DCDC1: variants seen among roughly 807,000 people sequenced by gnomAD.
The protein encoded by DCDC1 is doublecortin domain-containing protein 1.
DCDC1 carries 200 observed loss-of-function variants against 178.3 expected under a neutral mutation model. That is an observed-to-expected ratio of 1.12 (90% CI 1.00 to 1.26). The LOEUF (loss-of-function observed/expected upper bound fraction) is 1.26. DCDC1 is among the 50% of genes most tolerant of loss of function. The pLI is 0.00. For missense variants in DCDC1, 1,983 were observed against 1,749.2 expected (o/e 1.13, Z -2.38); for synonymous variants, 690 against 604.8 (o/e 1.14, Z -2.07).
At chr11:31,210,083 C>T (rs1024129538) in intron 9 of DCDC1, among the ~76,000 whole-genome samples, 1 of 152,162 alleles carries the variant, frequency 6.6e-6, no homozygotes, top group African/African-American at 2.4e-5. Context: ...AGTTTCTCCC[C>T]ACATCCATGC....
chr11:31,211,886 T>A (rs1228409774), intron 9 of DCDC1, among the ~76,000 whole-genome samples: 1 of 151,868 alleles, frequency 6.6e-6, no homozygotes, highest in Non-Finnish European at 1.5e-5. Flanking sequence ...ATCGAGACCA[T>A]CCTGGCTAAC....
intron 17 of DCDC1, among the ~76,000 whole-genome samples, chr11:31,080,693 A>C (rs1957117597): frequency 6.6e-6 from 1 of 152,168 alleles, no homozygotes; most frequent in South Asian, 2.1e-4. Context: ...AAATAATAAA[A>C]AAGAGTGATT....
At chr11:31,242,637 T>C (rs1461877500) in intron 8 of DCDC1, among the ~76,000 whole-genome samples, 1 of 151,876 alleles carries the variant, frequency 6.6e-6, no homozygotes, top group Non-Finnish European at 1.5e-5. Flanking sequence ...AGAAAATAGG[T>C]CCGGCAAAGA....
At chr11:31,072,551 C>A (rs1296372457) in intron 18 of DCDC1, among the ~76,000 whole-genome samples, 7 of 152,064 alleles carry the variant, frequency 4.6e-5, no homozygotes, top group Non-Finnish European at 7.4e-5. Context: ...CACTATTACA[C>A]TGGATTAGAT....
chr11:31,276,547 C>A (rs929094065), intron 7 of DCDC1, among the ~76,000 whole-genome samples: 3 of 151,896 alleles, frequency 2.0e-5, no homozygotes, highest in African/African-American at 7.3e-5. Flanking sequence ...TAATAAAATG[C>A]CATGCATAAG....
intron 9 of DCDC1, among the ~76,000 whole-genome samples, chr11:31,210,257 C>T (rs1156385802): frequency 1.3e-5 from 2 of 152,210 alleles, no homozygotes; most frequent in South Asian, 2.1e-4. Context: ...AAACCTTTTA[C>T]ATGGCTGAAG....
In DCDC1 at chr11:31,110,263, T is replaced by C; in HGVS notation, c.1584A>G (p.Glu528=). Residue 528 remains glutamate, a synonymous_variant, in exon 12 of 39, where the codon GAA becomes GAG. Coordinates refer to ENST00000684477, the MANE Select transcript of DCDC1 (RefSeq NM_001387274.1). ...AGTAAACTGTCAGTAAACTCACTCTTTCCATCATATGGTCAGTTTGAATTG... is the reference window on the plus strand; with the variant it reads ...AGTAAACTGTCAGTAAACTCACTCTCTCCATCATATGGTCAGTTTGAATTG... The part of the protein sequence containing the change: ...DSPIQTDHMM[E]RLLLKIHQRL... 1.4e-6 allele frequency: 1 copy of C among 713,246 alleles called. No individual in the cohort carries two copies. The allele number at this position is 713,246 out of a possible 1,614,324, so 44.2% of individuals were successfully genotyped here. A position where few individuals can be genotyped will look rare whatever the true frequency, so the allele number is the denominator to read the frequency against.
At chr11:31,226,972 G>C (rs781117888) in intron 9 of DCDC1, among the ~76,000 whole-genome samples, 1 of 151,498 alleles carries the variant, frequency 6.6e-6, no homozygotes, top group Non-Finnish European at 1.5e-5. Context: ...AGAATAGGAA[G>C]GATAAATAAA....
At chr11:31,339,579 T>A (rs76145328) in intron 1 of DCDC1, among the ~76,000 whole-genome samples, 8 of 152,148 alleles carry the variant, frequency 5.3e-5, no homozygotes, top group African/African-American at 1.4e-4. Flanking sequence ...TAAAAAAAAT[T>A]TTATGAGAGC....
At chr11:31,315,427 C>A (rs1949033143) in intron 3 of DCDC1, among the ~76,000 whole-genome samples, 1 of 149,434 alleles carries the variant, frequency 6.7e-6, no homozygotes, top group Non-Finnish European at 1.5e-5. Flanking sequence ...AGCTCCACCT[C>A]CCAGGTTCAC....
chr11:30,896,232 C>T (rs1944202075), intron 34 of DCDC1, among the ~76,000 whole-genome samples: 2 of 152,026 alleles, frequency 1.3e-5, no homozygotes, highest in African/African-American at 4.8e-5. Context: ...TTACATTTTC[C>T]CATATATCCT....
At chr11:31,151,430 G>A (rs1286921480) in intron 9 of DCDC1, among the ~76,000 whole-genome samples, 2 of 152,072 alleles carry the variant, frequency 1.3e-5, no homozygotes, top group Non-Finnish European at 2.9e-5. Context: ...ATTCATTTTG[G>A]AAGATTATAC....
At chr11:30,903,767 C>G in intron 31 of DCDC1, 84 bp from the exon 32 acceptor site, 3 of 1,136,340 alleles carry the variant, frequency 2.6e-6, no homozygotes, top group Non-Finnish European at 3.5e-6. Flanking sequence ...TTCTAAAAAT[C>G]TGAAAAAAAA....
intron 4 of DCDC1, 46 bp downstream of exon 4, chr11:31,307,593 G>C: frequency 6.3e-7 from 1 of 1,599,342 alleles, no homozygotes. Flanking sequence ...TCAAAGGAAA[G>C]AACTTCAACA....
At chr11:31,157,418 T>C (rs1965847320) in intron 9 of DCDC1, among the ~76,000 whole-genome samples, 1 of 144,312 alleles carries the variant, frequency 6.9e-6, no homozygotes. Context: ...CACATATATA[T>C]ACACACATAT....
intron 9 of DCDC1, among the ~76,000 whole-genome samples, chr11:31,161,820 G>GT (rs1565368635): frequency 6.6e-6 from 1 of 152,200 alleles, no homozygotes. Flanking sequence ...TTCAGTACAA[G>GT]TAGTGGTACT....
chr11:30,994,882 C>T (rs1951174327), intron 20 of DCDC1, among the ~76,000 whole-genome samples: 2 of 150,326 alleles, frequency 1.3e-5, no homozygotes, highest in African/African-American at 4.9e-5. Context: ...GATTTCATTT[C>T]TTACTACTGC....
Position 30,922,587 on chromosome 11 carries a change from G to T in DCDC1, c.3049C>A (p.Gln1017Lys). Reference protein sequence around the residue: ...LWINPDLSIAQQKKQIFLRNL... With the variant: ...LWINPDLSIAKQKKQIFLRNL... ...CTCAGGAATATTTGTTTCTTTTGCT[G>T]AGCAATGGACAGGTCAGGATTGATC... is the stretch of plus-strand genomic sequence containing the variant. The change falls in exon 24 of 39, where the codon CAG becomes AAG. Residue 1017 changes from glutamine to lysine, a missense_variant. Transcript: ENST00000684477. 1 of 1,585,606 alleles carries T rather than the reference G, an allele frequency of 6.3e-7. No individual in the cohort carries two copies. Among genetic ancestry groups the T allele is most frequent in the Admixed American group, 1.9e-5 (1 of 53,166 alleles).
In DCDC1 at chr11:31,153,285, C is replaced by T. The variant is rs148180118; in HGVS notation, c.1222-15501G>A. ...TCCTTACAACTCTGACTTGCCCTTA[C>T]GCTATGTCATAGTTATTCTCATGTT... On this transcript the variant is annotated intron_variant, in intron 9 of 38. Coordinates refer to ENST00000684477, the MANE Select transcript of DCDC1 (RefSeq NM_001387274.1). Among the ~76,000 whole-genome samples the T allele has an allele frequency of 9.9e-5, 15 of 152,284 alleles. 1 individual carries two copies. In the East Asian group the frequency reaches 1.2e-3, roughly 12 times the overall value.
Sources: gnomAD v4.1 joint callset for allele counts (sites outside exome capture counted in the v4.1 genomes callset) on GRCh38, gnomAD v4.1.1 for gene constraint, MANE v1.5 for transcripts, NCBI Gene and HGNC (gene_info 2026-07-23, HGNC 2026-07-21) for gene names.